The following CSK variants were observed in gnomAD, a reference collection of about 807,000 sequenced individuals.
CSK encodes the protein C-terminal Src kinase.
Under a neutral mutation model 62.3 loss-of-function variants are expected in CSK, and 7 were observed. The observed-to-expected ratio is 0.11, with a 90% CI of 0.06 to 0.21. The LOEUF (loss-of-function observed/expected upper bound fraction) is 0.21, where lower values mean the gene tolerates loss of function less well. Ranked by LOEUF, CSK falls within the 10% of genes least tolerant of loss-of-function variation. The pLI is 1.00. For synonymous variants in CSK, 237 were observed against 246.0 expected (o/e 0.96, Z 0.34); for missense variants, 294 against 613.5 (o/e 0.48, Z 5.50).
intron 1 of CSK, among the ~76,000 whole-genome samples, chr15:74,787,444 T>A (rs1030208858): frequency 6.6e-6 from 1 of 151,730 alleles, no homozygotes; most frequent in East Asian, 1.9e-4. Context: ...AGAAAAAAAA[T>A]CCCATTTTTC....
Position 74,788,150 on chromosome 15 carries a change from A to G in CSK, c.-66+5430A>G, listed in dbSNP as rs8028495. Among the ~76,000 whole-genome samples the G allele has an allele frequency of 9.0e-3, 1,369 of 152,224 alleles. 19 individuals are homozygous for G. Among genetic ancestry groups the G allele is most frequent in the African/African-American group, 0.027 (1,135 of 41,524 alleles). ...TGGTAGGAGGAGAGGTCCTTGTTTG[A>G]AGCTTCTGCCCTCTCTAGGGCTGCT... On this transcript the variant is annotated intron_variant, in intron 1 of 12. Coordinates refer to ENST00000220003, the MANE Select transcript of CSK (RefSeq NM_004383.3).
intron 1 of CSK, among the ~76,000 whole-genome samples, chr15:74,795,689 C>A (rs2063693769): frequency 6.6e-6 from 1 of 152,130 alleles, no homozygotes; most frequent in South Asian, 2.1e-4. Flanking sequence ...GGGGAGTCAA[C>A]TTTATTGAAG....
chr15:74,785,377 T>C lies in CSK; in HGVS notation c.-66+2657T>C, dbSNP rs75060672. Among the ~76,000 whole-genome samples the C allele has an allele frequency of 2.3e-3, 355 of 152,314 alleles. 2 individuals are homozygous for C. Among genetic ancestry groups the C allele is most frequent in the African/African-American group, 7.9e-3 (327 of 41,566 alleles). ...TGTGCATTTTTCCCCTCTGTTGCTGTTGTGGTTGTCGTTACTATGAGTCCC... is the reference window on the plus strand; with the variant it reads ...TGTGCATTTTTCCCCTCTGTTGCTGCTGTGGTTGTCGTTACTATGAGTCCC... On this transcript the variant is annotated intron_variant, in intron 1 of 12. Coordinates refer to ENST00000220003, the MANE Select transcript of CSK (RefSeq NM_004383.3).
Position 74,802,711 on chromosome 15 carries a change from G to T in CSK, c.*198G>T, listed in dbSNP as rs891451410. Reference sequence around the variant, plus strand: ...TGGGGCCTGGGGAGCCCACTGAGGGGCCAGGGAGGAAGGAGGCCACGGAGC... The same window carrying T: ...TGGGGCCTGGGGAGCCCACTGAGGGTCCAGGGAGGAAGGAGGCCACGGAGC... On this transcript the variant is annotated 3_prime_UTR_variant, in exon 13 of 13. Transcript: ENST00000220003. The T allele has an allele frequency of 2.6e-5, 16 of 624,280 alleles. No individual in the cohort carries two copies. The highest frequency in any genetic ancestry group is 4.0e-5 in the Non-Finnish European group (16 of 395,948). 38.7% of individuals were successfully genotyped at this position (624,280 alleles called of 1,614,324 possible).
chr15:74,790,000 C>T (rs2063593300), intron 1 of CSK, among the ~76,000 whole-genome samples: 2 of 152,206 alleles, frequency 1.3e-5, no homozygotes, highest in Admixed American at 1.3e-4. Context: ...CCTTCTCCAC[C>T]CGGATATCCT....
chr15:74,802,387 C>T lies in CSK; in HGVS notation c.1227C>T (p.Asp409=), dbSNP rs758110850. 25 of 1,611,306 alleles carry T rather than the reference C, an allele frequency of 1.6e-5. No homozygotes were observed. Among genetic ancestry groups the T allele is most frequent in the Middle Eastern group, 1.7e-4 (1 of 6,030 alleles). Residue 409 remains aspartate (D), a synonymous_variant, in exon 13 of 13, where the codon GAC becomes GAT. Coordinates refer to ENST00000220003, the MANE Select transcript of CSK (RefSeq NM_004383.3). ...AGGGCTACAAGATGGATGCCCCCGA[C>T]GGCTGCCCGCCCGCAGTCTATGAAG... ...VEKGYKMDAP[D]GCPPAVYEVM...
chr15:74,799,088 A>T, intron 4 of CSK, 150 bp downstream of exon 4: 1 of 960,576 alleles, frequency 1.0e-6, no homozygotes, highest in Non-Finnish European at 1.5e-6. Flanking sequence ...GACCTCACAG[A>T]GCAGGGCTGG....
intron 1 of CSK, among the ~76,000 whole-genome samples, chr15:74,792,651 G>A (rs1351905776): frequency 2.6e-5 from 4 of 152,242 alleles, no homozygotes; most frequent in African/African-American, 9.6e-5. Flanking sequence ...CACTCTGGCT[G>A]TCAGCCTCTG....
chr15:74,798,127 C>T lies in CSK; in HGVS notation c.-65-106C>T, dbSNP rs1338049116. On this transcript the variant is annotated intron_variant, in intron 1 of 12. Transcript: ENST00000220003. The surrounding 1 kb of genome is among the most constrained non-coding windows in gnomAD (Gnocchi z 6.6). The stretch of plus-strand genomic sequence containing the variant: ...GAATGGCCCATGTGTCAAATCCCAG[C>T]GCAGGACACTCTTGGCACCTGTTCA... The T allele has an allele frequency of 9.2e-6, 6 of 652,298 alleles. No homozygotes were observed. Among genetic ancestry groups the T allele is most frequent in the South Asian group, 8.0e-5 (4 of 50,076 alleles). 40.4% of individuals were successfully genotyped at this position (652,298 alleles called of 1,614,324 possible). A position where few individuals can be genotyped will look rare whatever the true frequency, so the allele number is the denominator to read the frequency against.
intron 1 of CSK, among the ~76,000 whole-genome samples, chr15:74,789,364 G>GGACC (rs1278847832): frequency 1.3e-4 from 20 of 152,206 alleles, no homozygotes; most frequent in Admixed American, 1.3e-3. Context: ...GGGTGCTGAG[G>GGACC]GACCACCAGC....
In CSK at chr15:74,798,362, A is replaced by G; in HGVS notation, c.15+50A>G. The G allele has an allele frequency of 6.3e-7, 1 of 1,591,524 alleles. No homozygotes were observed. Among genetic ancestry groups the G allele is most frequent in the Non-Finnish European group, 8.6e-7 (1 of 1,166,624 alleles). ...ACATGCAAGCATTCCCACCAGCCCC[A>G]GCGGGGTGCTTAGCAGAGGAGAGAG... On this transcript the variant is annotated intron_variant, in intron 2 of 12. Coordinates refer to ENST00000220003, the MANE Select transcript of CSK (RefSeq NM_004383.3). This position sits in a 1 kb window ranked among gnomAD's most constrained non-coding sequence, Gnocchi z 6.6.
chr15:74,801,126 A>C (rs2063786063), intron 9 of CSK, 24 bp downstream of exon 9: 2 of 1,612,636 alleles, frequency 1.2e-6, no homozygotes, highest in Non-Finnish European at 1.7e-6. Flanking sequence ...GAGACCCGGC[A>C]CTCAGGCCTT....
At chr15:74,800,035 T>C (rs572693743) in intron 5 of CSK, among the ~76,000 whole-genome samples, 1 of 152,296 alleles carries the variant, frequency 6.6e-6, no homozygotes, top group Admixed American at 6.5e-5. Context: ...TCCCTCTGTA[T>C]TCACTCTTAT....
In CSK at chr15:74,801,688, C is replaced by T. The variant is rs767462620; in HGVS notation, c.888-7C>T. 10 of 1,610,962 alleles carry T rather than the reference C, an allele frequency of 6.2e-6. No individual in the cohort carries two copies. The highest frequency in any genetic ancestry group is 8.5e-6 in the Non-Finnish European group (10 of 1,177,668). ...TCTGAGGGGACATGTGGCTGGCCTA[C>T]CCCCAGAGATGTCTGCGAGGCCATG... On this transcript the variant is annotated splice_polypyrimidine_tract_variant and splice_region_variant and intron_variant, in intron 10 of 12. Transcript: ENST00000220003.
chr15:74,801,938 G>C, intron 11 of CSK, 48 bp downstream of exon 11: 1 of 1,610,548 alleles, frequency 6.2e-7, no homozygotes, highest in Non-Finnish European at 8.5e-7. Flanking sequence ...AGGAGTCCTG[G>C]GTCACTCCCC....
chr15:74,800,370 C>A (rs777177783), intron 5 of CSK, 42 bp from the exon 6 acceptor site: 4 of 1,584,906 alleles, frequency 2.5e-6, no homozygotes, highest in Non-Finnish European at 3.5e-6. Context: ...ATATGGGGCA[C>A]CTTGGGCTGT....
At chr15:74,784,154 C>T (rs1048503550) in intron 1 of CSK, among the ~76,000 whole-genome samples, 2 of 152,218 alleles carry the variant, frequency 1.3e-5, no homozygotes, top group Admixed American at 1.3e-4. Context: ...GTCTGGGCTC[C>T]CTTGGAGCTG....
chr15:74,802,071 T>C lies in CSK; in HGVS notation c.1158T>C (p.Pro386=). ...AAATCTACTCCTTTGGGCGAGTGCC[T>C]TATCCAAGAATTGTGAGTATGGGTA... ...LWEIYSFGRV[P]YPRIPLKDVV... is the part of the protein sequence containing the mutation. The change falls in exon 12 of 13, where the codon CCT becomes CCC. Residue 386 remains proline (P), a synonymous_variant. Transcript: ENST00000220003. 1 of 1,613,960 alleles carries C rather than the reference T, an allele frequency of 6.2e-7. No homozygotes were observed. The highest frequency in any genetic ancestry group is 8.5e-7 in the Non-Finnish European group (1 of 1,179,946).
intron 1 of CSK, among the ~76,000 whole-genome samples, chr15:74,787,513 C>G (rs973013467): frequency 1.3e-5 from 2 of 152,274 alleles, no homozygotes; most frequent in Non-Finnish European, 1.5e-5. Context: ...TATTTGAGAG[C>G]TCCCCTCAGC....
Sources: gnomAD v4.1 joint callset for allele counts (sites outside exome capture counted in the v4.1 genomes callset) on GRCh38, gnomAD v4.1.1 for gene constraint, Gnocchi (gnomAD v3.1) non-coding constraint, MANE v1.5 for transcripts, NCBI Gene and HGNC (gene_info 2026-07-23, HGNC 2026-07-21) for gene names.